SV2C: variants seen among roughly 807,000 people sequenced by gnomAD.
The protein encoded by SV2C is synaptic vesicle glycoprotein 2C, also known as solute carrier family 22 member B3.
A neutral mutation model predicts 79.7 loss-of-function variants in SV2C; 49 were observed. That is an observed-to-expected ratio of 0.61 (90% confidence interval 0.49 to 0.78). The LOEUF (loss-of-function observed/expected upper bound fraction) is 0.78. SV2C is among the 30% of genes least tolerant of loss of function. SV2C has a pLI of 0.00. For missense variants in SV2C, 833 were observed against 912.9 expected, an observed-to-expected ratio of 0.91 and a Z score of 1.13; for synonymous variants, 334 against 333.2, an observed-to-expected ratio of 1.00 and a Z score of -0.03.
In SV2C at chr5:76,225,385, T is replaced by C. The variant is rs144780729; in HGVS notation, c.913+15498T>C. Among the ~76,000 whole-genome samples the C allele has an allele frequency of 1.8e-3, 276 of 152,270 alleles. 3 individuals carry two copies. Among genetic ancestry groups the C allele is most frequent in the African/African-American group, 6.2e-3 (258 of 41,556 alleles). On this transcript the variant is annotated intron_variant, in intron 4 of 12. Coordinates refer to ENST00000502798, the MANE Select transcript of SV2C (RefSeq NM_014979.4). Reference sequence around the variant, plus strand: ...TTCAGCTGTGCTGTCTGTCACACCATGGAATGTATAAGACAAAAGGGAGTT... The same window carrying C: ...TTCAGCTGTGCTGTCTGTCACACCACGGAATGTATAAGACAAAAGGGAGTT...
the SV2C span, chr5:75,920,735 G>T: frequency 9.1e-6 from 7 of 771,042 alleles, no homozygotes; most frequent in African/African-American, 1.7e-5. Flanking sequence ...GCGTCTCCTT[G>T]AAGGTGCGGT....
chr5:76,239,807 T>A (rs976819289), intron 4 of SV2C, among the ~76,000 whole-genome samples: 9 of 152,206 alleles, frequency 5.9e-5, no homozygotes, highest in African/African-American at 2.2e-4. Context: ...TTCTACAGCA[T>A]TCTGTTGCCA....
chr5:76,064,337 A>G, the SV2C span, among the ~76,000 whole-genome samples: 1 of 152,170 alleles, frequency 6.6e-6, no homozygotes. Context: ...GCCTTCCACA[A>G]GGGCTCCTCC....
In SV2C at chr5:76,249,162, G is replaced by A. The variant is rs568870514; in HGVS notation, c.914-36000G>A. Among the ~76,000 whole-genome samples the A allele has an allele frequency of 1.1e-4, 17 of 152,246 alleles. 1 individual carries two copies. The highest frequency in any genetic ancestry group is 3.6e-4 in the African/African-American group (15 of 41,524). ...AAGACTTGGATAGTCTCTCTTTGAG[G>A]GACACAGTTGGAAGTATACACACAG... On this transcript the variant is annotated intron_variant, in intron 4 of 12. Coordinates refer to ENST00000502798, the MANE Select transcript of SV2C (RefSeq NM_014979.4).
intron 4 of SV2C, among the ~76,000 whole-genome samples, chr5:76,269,567 G>A (rs556550772): frequency 5.3e-5 from 8 of 152,256 alleles, no homozygotes; most frequent in African/African-American, 1.2e-4. Flanking sequence ...CACTTTACCC[G>A]TGTCCCTGCT....
chr5:76,036,908 A>G, the SV2C span, among the ~76,000 whole-genome samples: 1 of 152,108 alleles, frequency 6.6e-6, no homozygotes, highest in African/African-American at 2.4e-5. Context: ...TGGTCTTTTC[A>G]CACAGTCCCA....
intron 3 of SV2C, among the ~76,000 whole-genome samples, chr5:76,208,070 C>T (rs1164312393): frequency 6.6e-6 from 1 of 152,034 alleles, no homozygotes. Flanking sequence ...TTGAGTCACA[C>T]CTCTAAGAAT....
intron 2 of SV2C, among the ~76,000 whole-genome samples, chr5:76,188,035 G>C (rs1743975216): frequency 1.3e-5 from 2 of 152,180 alleles, no homozygotes; most frequent in Admixed American, 1.3e-4. Context: ...AGGGCAGGTG[G>C]ATTGCTTGAG....
the SV2C span, among the ~76,000 whole-genome samples, chr5:76,004,855 G>C: frequency 1.3e-5 from 2 of 152,160 alleles, no homozygotes; most frequent in African/African-American, 4.8e-5. Context: ...CTTGAATCTA[G>C]TCCTGTGTAA....
chr5:76,212,867 A>G (rs753396659), intron 4 of SV2C, among the ~76,000 whole-genome samples: 1 of 152,196 alleles, frequency 6.6e-6, no homozygotes, highest in Non-Finnish European at 1.5e-5. Flanking sequence ...TCAGTGGCCA[A>G]CCCACAAAGA....
At chr5:76,035,908 T>C in the SV2C span, among the ~76,000 whole-genome samples, 1 of 152,124 alleles carries the variant, frequency 6.6e-6, no homozygotes, top group Non-Finnish European at 1.5e-5. Flanking sequence ...ACTCAGGACT[T>C]GCTTTATGAA....
At chr5:76,247,201 C>G (rs1301477614) in intron 4 of SV2C, among the ~76,000 whole-genome samples, 3 of 152,218 alleles carry the variant, frequency 2.0e-5, no homozygotes, top group Non-Finnish European at 4.4e-5. Flanking sequence ...GATCACAGTG[C>G]TGTATTGACC....
chr5:76,029,315 C>A, the SV2C span, among the ~76,000 whole-genome samples: 1 of 152,148 alleles, frequency 6.6e-6, no homozygotes, highest in African/African-American at 2.4e-5. Flanking sequence ...TACAATAGAT[C>A]TCTTGAATAT....
chr5:76,122,011 G>T (rs1241264260), intron 1 of SV2C, among the ~76,000 whole-genome samples: 1 of 152,102 alleles, frequency 6.6e-6, no homozygotes, highest in Non-Finnish European at 1.5e-5. Context: ...AGCATGGAAT[G>T]TTCTTCCATT....
chr5:76,231,886 C>T (rs1380038290), intron 4 of SV2C, among the ~76,000 whole-genome samples: 5 of 145,170 alleles, frequency 3.4e-5, no homozygotes, highest in East Asian at 1.9e-4. Flanking sequence ...TGAATAATGC[C>T]GCAATAAACA....
At chr5:76,240,984 C>G (rs1369752721) in intron 4 of SV2C, among the ~76,000 whole-genome samples, 1 of 152,068 alleles carries the variant, frequency 6.6e-6, no homozygotes. Context: ...GAGATGGAGT[C>G]TCACTCTGTC....
chr5:76,244,624 G>T (rs973080082), intron 4 of SV2C, among the ~76,000 whole-genome samples: 1 of 152,146 alleles, frequency 6.6e-6, no homozygotes, highest in African/African-American at 2.4e-5. Flanking sequence ...CATTTACAAT[G>T]CATTTCAATT....
intron 2 of SV2C, among the ~76,000 whole-genome samples, chr5:76,154,302 A>G (rs6879305): frequency 0.48 from 72,619 of 152,020 alleles, 17,548 homozygotes; most frequent in South Asian, 0.53. Flanking sequence ...TGCTTCCTTC[A>G]TATTCCCTTG....
the SV2C span, among the ~76,000 whole-genome samples, chr5:76,049,023 G>GAAAGAAAGAAAGAAAGAAAGA: frequency 1.2e-5 from 1 of 82,584 alleles, no homozygotes; most frequent in Non-Finnish European, 2.3e-5. Context: ...AAGAAAGAAA[G>GAAAGAAAGAAAGAAAGAAAGA]AAAAAGAAAA....
Sources: allele counts gnomAD v4.1 joint callset (sites outside exome capture counted in the v4.1 genomes callset), GRCh38; gene constraint gnomAD v4.1.1; transcripts MANE v1.5; gene names NCBI Gene and HGNC (gene_info 2026-07-23, HGNC 2026-07-21).